HSD17B12: variants seen among roughly 807,000 people sequenced by gnomAD.
HSD17B12 encodes very-long-chain 3-oxoacyl-CoA reductase.
In HSD17B12, 32 loss-of-function variants were observed where a neutral mutation model predicts 39.3. The ratio of observed to expected loss-of-function variants is 0.81; its 90% CI spans 0.61 to 1.09. The LOEUF is 1.09. Ranked by LOEUF, HSD17B12 falls within the 50% of genes least tolerant of loss-of-function variation. The probability of loss-of-function intolerance (pLI) is 0.00; values close to 1 mark genes in which losing one functional copy is unlikely to be tolerated. For missense variants in HSD17B12, 342 were observed against 382.9 expected (o/e 0.89, Z 0.89); for synonymous variants, 150 against 146.7 (o/e 1.02, Z -0.16).
At chr11:43,771,333 G>A (rs1234522131) in intron 3 of HSD17B12, among the ~76,000 whole-genome samples, 10 of 151,934 alleles carry the variant, frequency 6.6e-5, no homozygotes, top group African/African-American at 2.4e-4. Flanking sequence ...GGACTTTTGG[G>A]TTGCTTCCAG....
At chr11:43,748,646 T>C (rs1308665802) in intron 1 of HSD17B12, among the ~76,000 whole-genome samples, 1 of 152,178 alleles carries the variant, frequency 6.6e-6, no homozygotes, top group Non-Finnish European at 1.5e-5. Context: ...AAGTTATGAA[T>C]TGATCATGAG....
At chr11:43,697,500 C>G (rs964870738) in intron 1 of HSD17B12, among the ~76,000 whole-genome samples, 24 of 152,180 alleles carry the variant, frequency 1.6e-4, no homozygotes, top group Admixed American at 1.3e-4. Flanking sequence ...CTATTAATAT[C>G]TCTGTTTTAG....
intron 3 of HSD17B12, among the ~76,000 whole-genome samples, chr11:43,796,938 G>A (rs1950921489): frequency 6.6e-6 from 1 of 151,540 alleles, no homozygotes; most frequent in South Asian, 2.1e-4. Flanking sequence ...TAGACATGTT[G>A]GACCAGCTAT....
At chr11:43,781,228 G>A (rs948323107) in intron 3 of HSD17B12, among the ~76,000 whole-genome samples, 46 of 151,958 alleles carry the variant, frequency 3.0e-4, no homozygotes, top group African/African-American at 1.0e-3. Context: ...CCTTTGATCT[G>A]TGCCCTTAAC....
chr11:43,582,461 T>G, the HSD17B12 span, among the ~76,000 whole-genome samples: 2 of 152,174 alleles, frequency 1.3e-5, no homozygotes, highest in African/African-American at 4.8e-5. Context: ...GCCCTTCGCC[T>G]GCTAGGAACA....
intron 9 of HSD17B12, among the ~76,000 whole-genome samples, chr11:43,850,240 GTAA>G (rs1951517477): frequency 1.3e-5 from 2 of 152,290 alleles, no homozygotes; most frequent in South Asian, 4.1e-4. Context: ...TGCAAGTAAA[GTAA>G]TACGCACTCC....
the HSD17B12 span, chr11:43,559,603 CCTT>C: frequency 1.3e-4 from 20 of 156,064 alleles, no homozygotes; most frequent in African/African-American, 4.6e-4. Context: ...AGGAAACAGA[CCTT>C]CTTCCTCTCT....
chr11:43,663,800 A>G, the HSD17B12 span, among the ~76,000 whole-genome samples: 1 of 152,170 alleles, frequency 6.6e-6, no homozygotes. Flanking sequence ...GTGCACGCTT[A>G]AGATTCAACC....
chr11:43,807,196 T>C (rs1951027451), intron 4 of HSD17B12, among the ~76,000 whole-genome samples: 1 of 152,250 alleles, frequency 6.6e-6, no homozygotes, highest in South Asian at 2.1e-4. Context: ...ACACTGTTTC[T>C]GCTTTTCTGG....
chr11:43,711,433 T>C (rs146701065), intron 1 of HSD17B12, among the ~76,000 whole-genome samples: 145 of 151,994 alleles, frequency 9.5e-4, no homozygotes, highest in African/African-American at 3.4e-3. Flanking sequence ...GTAGAGTACT[T>C]TTAAAACTAT....
At chr11:43,832,153 C>T (rs926179626) in intron 7 of HSD17B12, among the ~76,000 whole-genome samples, 1 of 152,082 alleles carries the variant, frequency 6.6e-6, no homozygotes, top group Admixed American at 6.5e-5. Flanking sequence ...GGAGTGGACC[C>T]CTGATGGTCA....
intron 3 of HSD17B12, among the ~76,000 whole-genome samples, chr11:43,775,878 A>C (rs10838163): frequency 1.3e-3 from 193 of 148,148 alleles, no homozygotes; most frequent in Non-Finnish European, 2.2e-3. Context: ...TTGTTCTTGC[A>C]ATAGTTTACT....
intron 1 of HSD17B12, among the ~76,000 whole-genome samples, chr11:43,690,143 A>G (rs1393439507): frequency 1.3e-5 from 2 of 150,674 alleles, no homozygotes; most frequent in African/African-American, 2.4e-5. Context: ...ACTCCTATCC[A>G]TTACCCTGCC....
chr11:43,816,671 G>C (rs1951126252), intron 6 of HSD17B12, among the ~76,000 whole-genome samples: 1 of 151,924 alleles, frequency 6.6e-6, no homozygotes, highest in South Asian at 2.1e-4. Flanking sequence ...TTGGTTACAT[G>C]AGTAAGTTCT....
chr11:43,681,066 T>A lies in HSD17B12; in HGVS notation c.160+79T>A, dbSNP rs967073985. On this transcript the variant is annotated intron_variant, in intron 1 of 10. Coordinates refer to ENST00000278353, the MANE Select transcript of HSD17B12 (RefSeq NM_016142.3). ...TGGGCCGTGATGACTAGTTCTGGGG[T>A]CTGCTCCTGGCCTTCCCCTCCCCAG... 2.9e-5 allele frequency: 41 copies of A among 1,427,472 alleles called. No individual in the cohort carries two copies. In the African/African-American group the frequency reaches 5.9e-4, roughly 21 times the overall value. 88.4% of individuals were successfully genotyped at this position (1,427,472 alleles called of 1,614,324 possible).
At chr11:43,776,452 G>GTTTGATTTTTTCTTGTAAA (rs1950705152) in intron 3 of HSD17B12, among the ~76,000 whole-genome samples, 1 of 152,150 alleles carries the variant, frequency 6.6e-6, no homozygotes, top group South Asian at 2.1e-4. Flanking sequence ...TGATGGGGTT[G>GTTTGATTTTTTCTTGTAAA]TTTGTTTTTT....
chr11:43,820,051 T>A (rs1024300125), intron 6 of HSD17B12, among the ~76,000 whole-genome samples: 1 of 152,146 alleles, frequency 6.6e-6, no homozygotes, highest in Non-Finnish European at 1.5e-5. Context: ...GTAGTTAACA[T>A]TGCTTCTGAT....
rs1951571577 is a variant in HSD17B12 at position 43,855,215 on chromosome 11, G to A, written c.906G>A (p.Arg302=). The change falls in exon 11 of 11, where the codon CGG becomes CGA. Residue 302 remains arginine, a synonymous_variant. Transcript: ENST00000278353. ...KIVMNMNKST[R]AHYLKKTKKN is the part of the protein sequence containing the mutation. ...TCATGAATATGAACAAGTCTACACG[G>A]GCTCACTATCTGAAGAAAACCAAGA... The A allele has an allele frequency of 6.2e-7, 1 of 1,609,264 alleles. No individual in the cohort carries two copies. Among genetic ancestry groups the A allele is most frequent in the Non-Finnish European group, 8.5e-7 (1 of 1,178,210 alleles).
the HSD17B12 span, among the ~76,000 whole-genome samples, chr11:43,621,813 T>C: frequency 3.4e-4 from 52 of 152,354 alleles, no homozygotes; most frequent in African/African-American, 1.2e-3. Flanking sequence ...ATATCTTTTT[T>C]CCCAAATTAC....
Sources: gnomAD v4.1 joint callset for allele counts (sites outside exome capture counted in the v4.1 genomes callset) on GRCh38, gnomAD v4.1.1 for gene constraint, MANE v1.5 for transcripts, NCBI Gene and HGNC (gene_info 2026-07-23, HGNC 2026-07-21) for gene names.